The following ITGA9 variants were observed in gnomAD, a reference collection of about 807,000 sequenced individuals.
ITGA9 encodes integrin subunit alpha 9.
A neutral mutation model predicts 127.8 loss-of-function variants in ITGA9; 56 were observed. The ratio of observed to expected loss-of-function variants is 0.44; its 90% CI spans 0.35 to 0.55. The LOEUF is 0.55. ITGA9 is among the 20% of genes least tolerant of loss of function. ITGA9 has a pLI of 0.00. For missense variants in ITGA9, 1,196 were observed against 1,347.1 expected (o/e 0.89, Z 1.76); for synonymous variants, 508 against 514.5 (o/e 0.99, Z 0.17).
chr3:37,633,835 A>G (rs543284935), intron 16 of ITGA9, among the ~76,000 whole-genome samples: 27 of 152,206 alleles, frequency 1.8e-4, no homozygotes, highest in Admixed American at 4.6e-4. Context: ...CATCACAGGA[A>G]GTATTGTACC....
At chr3:37,680,683 A>G (rs1700726642) in intron 17 of ITGA9, among the ~76,000 whole-genome samples, 2 of 152,194 alleles carry the variant, frequency 1.3e-5, no homozygotes, top group Admixed American at 1.3e-4. Flanking sequence ...AACCTTGGAC[A>G]CTGTCTGATG....
At position 37,629,599 on chromosome 3, in the gene ITGA9, C is replaced by T. The variant is rs1700210701; in HGVS notation, c.1839+263C>T. The T allele has an allele frequency of 4.9e-6, 3 of 609,912 alleles. No homozygotes were observed. Among genetic ancestry groups the T allele is most frequent in the East Asian group, 2.7e-5 (1 of 36,486 alleles). The allele number at this position is 609,912 out of a possible 1,614,324, so 37.8% of individuals were successfully genotyped here. A position where few individuals can be genotyped will look rare whatever the true frequency, so the allele number is the denominator to read the frequency against. On this transcript the variant is annotated intron_variant, in intron 16 of 27. Coordinates refer to ENST00000264741, the MANE Select transcript of ITGA9 (RefSeq NM_002207.3). The surrounding 1 kb of genome is among the most constrained non-coding windows in gnomAD (Gnocchi z 4.5). Reference sequence around the variant, plus strand: ...GTTACAATCCCCTCGAGTTCGTGAACTGGCTGGCCACTTGGTCCCTGAACT... The same window carrying T: ...GTTACAATCCCCTCGAGTTCGTGAATTGGCTGGCCACTTGGTCCCTGAACT...
chr3:37,605,296 C>A (rs1006979807), intron 15 of ITGA9, among the ~76,000 whole-genome samples: 1 of 152,126 alleles, frequency 6.6e-6, no homozygotes, highest in Non-Finnish European at 1.5e-5. Context: ...CCTGAGGGGC[C>A]TGGTGGGCCA....
chr3:37,817,325 C>G (rs1697447655), intron 27 of ITGA9, among the ~76,000 whole-genome samples: 1 of 152,214 alleles, frequency 6.6e-6, no homozygotes, highest in Non-Finnish European at 1.5e-5. Context: ...GTACCACAAC[C>G]TGCAGTGTGG....
chr3:37,477,007 G>C (rs1366365894), intron 3 of ITGA9, among the ~76,000 whole-genome samples: 1 of 152,092 alleles, frequency 6.6e-6, no homozygotes, highest in South Asian at 2.1e-4. Flanking sequence ...GAAACACCAG[G>C]AAACATTCTG....
chr3:37,536,031 G>A (rs1167076015), intron 14 of ITGA9, among the ~76,000 whole-genome samples: 3 of 152,320 alleles, frequency 2.0e-5, no homozygotes, highest in East Asian at 3.9e-4. Flanking sequence ...AGCTCTGGGT[G>A]AGGTGTCCTA....
chr3:37,464,150 TGTAAGG>T (rs1370817778), intron 1 of ITGA9, among the ~76,000 whole-genome samples: 1 of 146,724 alleles, frequency 6.8e-6, no homozygotes, highest in African/African-American at 2.6e-5. Flanking sequence ...TGTGTGTGTG[TGTAAGG>T]TTGTGATGGC....
intron 1 of ITGA9, among the ~76,000 whole-genome samples, chr3:37,462,297 C>A (rs1698323769): frequency 6.6e-6 from 1 of 152,214 alleles, no homozygotes; most frequent in African/African-American, 2.4e-5. Flanking sequence ...TCTGCTTTTC[C>A]CAGTTGGGCA....
At chr3:37,588,731 G>A (rs1399880635) in intron 15 of ITGA9, among the ~76,000 whole-genome samples, 1 of 152,228 alleles carries the variant, frequency 6.6e-6, no homozygotes, top group African/African-American at 2.4e-5. Flanking sequence ...TTTCTGCCAA[G>A]TCAGAGGATG....
At chr3:37,675,879 G>T (rs911703658) in intron 17 of ITGA9, among the ~76,000 whole-genome samples, 2 of 151,532 alleles carry the variant, frequency 1.3e-5, no homozygotes, top group Non-Finnish European at 2.9e-5. Context: ...AAGTAGCTGG[G>T]ACTACAGGTG....
chr3:37,487,088 T>TTTTGC (rs1365840985), intron 4 of ITGA9, among the ~76,000 whole-genome samples: 1 of 152,154 alleles, frequency 6.6e-6, no homozygotes, highest in Non-Finnish European at 1.5e-5. Flanking sequence ...TGTATTTTTG[T>TTTTGC]TTTGTTTTTG....
intron 18 of ITGA9, among the ~76,000 whole-genome samples, chr3:37,713,683 T>G (rs1418331503): frequency 1.3e-5 from 2 of 152,310 alleles, no homozygotes; most frequent in South Asian, 2.1e-4. Context: ...TCGCTTTGCC[T>G]TTTGTAAAAA....
intron 18 of ITGA9, among the ~76,000 whole-genome samples, chr3:37,695,716 C>T (rs894492585): frequency 6.6e-6 from 1 of 152,218 alleles, no homozygotes. Context: ...ACTAGTGAGC[C>T]TGTCCTGCTC....
At chr3:37,539,141 TGGA>T (rs1360541526) in intron 14 of ITGA9, among the ~76,000 whole-genome samples, 1 of 152,200 alleles carries the variant, frequency 6.6e-6, no homozygotes, top group Non-Finnish European at 1.5e-5. Context: ...GATGAAACTT[TGGA>T]GGAGTAAAGT....
intron 18 of ITGA9, among the ~76,000 whole-genome samples, chr3:37,720,548 A>G (rs1701180407): frequency 6.6e-6 from 1 of 152,210 alleles, no homozygotes; most frequent in African/African-American, 2.4e-5. Flanking sequence ...TAATTGAAGA[A>G]AAACTAATTT....
At chr3:37,691,129 G>A (rs535630862) in intron 18 of ITGA9, among the ~76,000 whole-genome samples, 2 of 152,180 alleles carry the variant, frequency 1.3e-5, no homozygotes, top group Admixed American at 6.5e-5. Context: ...CAGAGATGCC[G>A]TAATATAGCC....
chr3:37,692,155 C>T (rs553167364), intron 18 of ITGA9, among the ~76,000 whole-genome samples: 154 of 152,166 alleles, frequency 1.0e-3, no homozygotes, highest in South Asian at 2.5e-3. Flanking sequence ...CCATCATGTA[C>T]AGTCCCACTT....
chr3:37,609,959 A>G (rs543180047), intron 15 of ITGA9, among the ~76,000 whole-genome samples: 13 of 152,246 alleles, frequency 8.5e-5, no homozygotes, highest in African/African-American at 1.4e-4. Flanking sequence ...ACAAGCATCT[A>G]TGGAAAATAC....
intron 18 of ITGA9, among the ~76,000 whole-genome samples, chr3:37,685,479 G>C (rs1444722546): frequency 6.6e-6 from 1 of 152,180 alleles, no homozygotes; most frequent in Non-Finnish European, 1.5e-5. Context: ...CCAAGTATCT[G>C]TATGGTTCAA....
Sources: allele counts gnomAD v4.1 joint callset (sites outside exome capture counted in the v4.1 genomes callset), GRCh38; gene constraint gnomAD v4.1.1; non-coding constraint Gnocchi (gnomAD v3.1); transcripts MANE v1.5; gene names NCBI Gene and HGNC (gene_info 2026-07-23, HGNC 2026-07-21).